Variants in ERC2 observed in about 807,000 individuals in gnomAD.
ERC2 encodes the protein ELKS/RAB6-interacting/CAST family member 2.
A neutral mutation model predicts 114.8 loss-of-function variants in ERC2; 42 were observed. The observed-to-expected ratio is 0.37, with a 90% CI of 0.29 to 0.47. ERC2 has a LOEUF of 0.47. ERC2 is among the 20% of genes least tolerant of loss of function. The pLI, the probability that ERC2 is intolerant of heterozygous loss-of-function variation, is 0.99. For synonymous variants in ERC2, 454 were observed against 425.5 expected (o/e 1.07, Z -0.82); for missense variants, 939 against 1,150.7 (o/e 0.82, Z 2.66).
At chr3:56,112,916 C>T (rs1416144557) in intron 6 of ERC2, among the ~76,000 whole-genome samples, 2 of 152,042 alleles carry the variant, frequency 1.3e-5, no homozygotes, top group African/African-American at 2.4e-5. Context: ...GACATATTAG[C>T]TACCTAGGCA....
At chr3:56,024,239 A>T (rs2073907586) in intron 7 of ERC2, among the ~76,000 whole-genome samples, 1 of 152,244 alleles carries the variant, frequency 6.6e-6, no homozygotes, top group South Asian at 2.1e-4. Context: ...AATTATGCCC[A>T]GAGTTTTGAT....
chr3:56,283,314 G>T (rs1192922238), intron 3 of ERC2, among the ~76,000 whole-genome samples: 1 of 152,162 alleles, frequency 6.6e-6, no homozygotes, highest in African/African-American at 2.4e-5. Flanking sequence ...TATCATGAAG[G>T]TACAGTGGAA....
chr3:55,981,969 T>A (rs571281238), intron 12 of ERC2, among the ~76,000 whole-genome samples: 2 of 152,244 alleles, frequency 1.3e-5, no homozygotes, highest in South Asian at 4.1e-4. Flanking sequence ...GCCCACACAG[T>A]CAGTGGGCTC....
chr3:56,150,150 G>A (rs901925225), intron 4 of ERC2, among the ~76,000 whole-genome samples: 72 of 152,120 alleles, frequency 4.7e-4, no homozygotes, highest in Non-Finnish European at 2.1e-4. Flanking sequence ...TGCTAATACA[G>A]AACAATCTAT....
chr3:56,052,765 T>G (rs983062797), intron 7 of ERC2, among the ~76,000 whole-genome samples: 1 of 152,110 alleles, frequency 6.6e-6, no homozygotes, highest in African/African-American at 2.4e-5. Context: ...TTGAGAGAAG[T>G]GTTGCTGTTG....
chr3:56,300,287 A>C (rs1406939769), intron 2 of ERC2, among the ~76,000 whole-genome samples: 1 of 151,712 alleles, frequency 6.6e-6, no homozygotes, highest in African/African-American at 2.4e-5. Context: ...ATACAAAAAA[A>C]AAAAAAAAGA....
chr3:55,601,531 G>A (rs375603060), intron 17 of ERC2, among the ~76,000 whole-genome samples: 15 of 152,290 alleles, frequency 9.8e-5, no homozygotes, highest in African/African-American at 2.6e-4. Flanking sequence ...AACAACCAGC[G>A]AGCTGTCCTT....
At chr3:55,989,986 A>G (rs1171752557) in intron 11 of ERC2, among the ~76,000 whole-genome samples, 1 of 152,200 alleles carries the variant, frequency 6.6e-6, no homozygotes, top group Non-Finnish European at 1.5e-5. Flanking sequence ...TACAGGCCCA[A>G]TCTCAGGAAG....
chr3:56,374,937 A>G (rs1233685940), intron 2 of ERC2, among the ~76,000 whole-genome samples: 1 of 152,194 alleles, frequency 6.6e-6, no homozygotes, highest in East Asian at 1.9e-4. Flanking sequence ...TTTCAATTCA[A>G]TAATAAACTA....
At chr3:55,515,127 C>T (rs564232963) in intron 17 of ERC2, among the ~76,000 whole-genome samples, 5 of 152,134 alleles carry the variant, frequency 3.3e-5, no homozygotes, top group Non-Finnish European at 5.9e-5. Context: ...ATAGGGATGC[C>T]TAAGATTTAT....
intron 14 of ERC2, among the ~76,000 whole-genome samples, chr3:55,750,711 A>G (rs2066644871): frequency 6.6e-6 from 1 of 152,208 alleles, no homozygotes; most frequent in Admixed American, 6.5e-5. Context: ...CTAGTTGCAT[A>G]ACTTTCAAGG....
intron 2 of ERC2, among the ~76,000 whole-genome samples, chr3:56,378,729 C>T (rs2059641459): frequency 6.6e-6 from 1 of 152,092 alleles, no homozygotes; most frequent in African/African-American, 2.4e-5. Flanking sequence ...ACCAAATAAG[C>T]CAGATGAATT....
At chr3:56,356,167 A>G (rs753004135) in intron 2 of ERC2, among the ~76,000 whole-genome samples, 71 of 152,256 alleles carry the variant, frequency 4.7e-4, no homozygotes, top group African/African-American at 1.3e-3. Context: ...GAGAGATTCA[A>G]AGCAGTGGAG....
At chr3:56,305,898 G>C (rs2056195969) in intron 2 of ERC2, among the ~76,000 whole-genome samples, 1 of 152,120 alleles carries the variant, frequency 6.6e-6, no homozygotes, top group South Asian at 2.1e-4. Context: ...GGCACAGGCT[G>C]GAGTGTACTG....
At chr3:56,185,077 T>C (rs987738082) in intron 3 of ERC2, 8 of 152,218 alleles carry the variant, frequency 5.3e-5, no homozygotes, top group Non-Finnish European at 1.2e-4. Context: ...TAAAGAATCA[T>C]TATTCTATTT....
Position 55,950,534 on chromosome 3 carries a change from A to G in ERC2, c.2294T>C (p.Val765Ala). ...CTGTTGATTGTGCTTGAGGTTGGCC[A>G]CCTTCTTATTCTGATCTTTCATATG... is the stretch of plus-strand genomic sequence containing the variant. ...LRHMKDQNKK[V>A]ANLKHNQQLE... The change falls in exon 13 of 18, where the codon GTG (valine) becomes GCG (alanine). Residue 765 changes from valine to alanine, a missense_variant. This residue lies in a region of ERC2 where 328 missense variants were observed against 353.9 expected (regional missense o/e 0.93). Transcript: ENST00000288221. 2 of 1,614,010 alleles carry G rather than the reference A, an allele frequency of 1.2e-6. No homozygotes were observed. The highest frequency in any genetic ancestry group is 1.7e-6 in the Non-Finnish European group (2 of 1,179,898).
At chr3:56,149,633 T>C (rs1338089470) in intron 4 of ERC2, among the ~76,000 whole-genome samples, 1 of 152,204 alleles carries the variant, frequency 6.6e-6, no homozygotes, top group East Asian at 1.9e-4. Flanking sequence ...GATTCTCATC[T>C]AAAATACAGA....
chr3:55,627,137 G>C (rs763603718), intron 17 of ERC2, among the ~76,000 whole-genome samples: 10 of 152,182 alleles, frequency 6.6e-5, no homozygotes, highest in Non-Finnish European at 1.5e-4. Context: ...CTTGGCTTCA[G>C]CTCCACAAAA....
rs149403252 is a variant in ERC2 at position 55,883,717 on chromosome 3, G to T, written c.2564+4672C>A. ...ATCCTGGCTAACAAGGTGAAACCCT[G>T]TCTCTACTAAAAATACAAAAATTAG... On this transcript the variant is annotated intron_variant, in intron 14 of 17. Transcript: ENST00000288221. 8.0e-3 allele frequency among the ~76,000 whole-genome samples: 1,216 copies of T among 152,112 alleles called. 13 individuals are homozygous for T. Among genetic ancestry groups the T allele is most frequent in the African/African-American group, 0.028 (1,171 of 41,490 alleles).
Sources: allele counts gnomAD v4.1 joint callset (sites outside exome capture counted in the v4.1 genomes callset), GRCh38; gene constraint gnomAD v4.1.1; regional missense constraint gnomAD v4.1.1; transcripts MANE v1.5; gene names NCBI Gene and HGNC (gene_info 2026-07-23, HGNC 2026-07-21).